Variants in ACBD6 observed in about 807,000 individuals in gnomAD.
ACBD6 encodes the protein acyl-CoA binding domain containing 6.
In ACBD6, 28 loss-of-function variants were observed where a neutral mutation model predicts 37.2. That is an observed-to-expected ratio of 0.75 (90% confidence interval 0.56 to 1.03). The LOEUF (loss-of-function observed/expected upper bound fraction) is 1.03. Among genes scored for constraint, ACBD6 ranks in the 50% least tolerant of loss-of-function variants. The probability of loss-of-function intolerance (pLI) is 0.00; values close to 1 mark genes in which losing one functional copy is unlikely to be tolerated. For synonymous variants in ACBD6, 113 were observed against 126.8 expected (o/e 0.89, Z 0.73); for missense variants, 340 against 337.4 (o/e 1.01, Z -0.06).
intron 9 of ACBD6, among the ~76,000 whole-genome samples, chr1:180,279,855 C>A (rs890525235): frequency 2.0e-5 from 3 of 151,540 alleles, no homozygotes; most frequent in Non-Finnish European, 4.4e-5. Flanking sequence ...AAAAAAAAGT[C>A]ATAGCATTTC....
intron 3 of ACBD6, among the ~76,000 whole-genome samples, chr1:180,455,940 T>C (rs762439275): frequency 5.9e-5 from 9 of 152,138 alleles, no homozygotes; most frequent in Non-Finnish European, 1.0e-4. Context: ...GTCAGACTTA[T>C]TCGAGTCAGT....
At chr1:180,273,700 G>A (rs1648831129) in intron 11 of ACBD6, 1 of 168,350 alleles carries the variant, frequency 5.9e-6, no homozygotes, top group East Asian at 1.7e-4. Context: ...AGACCAGAAG[G>A]ATTTTGTACA....
At chr1:180,459,927 C>T (rs949758613) in intron 3 of ACBD6, among the ~76,000 whole-genome samples, 1 of 149,112 alleles carries the variant, frequency 6.7e-6, no homozygotes, top group Non-Finnish European at 1.5e-5. Context: ...AGTATCCCGG[C>T]ACAGCACAGC....
In ACBD6 at chr1:180,502,461, T is replaced by A; in HGVS notation, c.-195A>T. 1.6e-6 allele frequency: 1 copy of A among 641,082 alleles called. No homozygotes were observed. The highest frequency in any genetic ancestry group is 2.8e-6 in the Non-Finnish European group (1 of 360,590). 39.7% of individuals were successfully genotyped at this position (641,082 alleles called of 1,614,324 possible). A position where few individuals can be genotyped will look rare whatever the true frequency, so the allele number is the denominator to read the frequency against. Reference sequence around the variant, plus strand: ...TACTCCCTGGGCGTGCAGAGCAGGCTCCTCGACCCTCTGCCGCTCTGCCCA... The same window carrying A: ...TACTCCCTGGGCGTGCAGAGCAGGCACCTCGACCCTCTGCCGCTCTGCCCA... On this transcript the variant is annotated 5_prime_UTR_variant, in exon 1 of 8. Coordinates refer to ENST00000367595, the MANE Select transcript of ACBD6 (RefSeq NM_032360.4).
At chr1:180,335,253 G>A (rs886978557) in intron 6 of ACBD6, among the ~76,000 whole-genome samples, 2 of 152,144 alleles carry the variant, frequency 1.3e-5, no homozygotes, top group Admixed American at 6.5e-5. Flanking sequence ...GTTAAGGGCG[G>A]CCAGAGAGAA....
At chr1:180,343,270 A>G (rs1194716713) in intron 6 of ACBD6, among the ~76,000 whole-genome samples, 1 of 141,186 alleles carries the variant, frequency 7.1e-6, no homozygotes, top group Admixed American at 7.2e-5. Flanking sequence ...TTATAAAAAA[A>G]GAGTTTATTC....
chr1:180,286,956 T>C (rs559424226), downstream of ACBD6: 1 of 152,232 alleles, frequency 6.6e-6, no homozygotes, highest in Non-Finnish European at 1.5e-5. Flanking sequence ...AGAAAAATTA[T>C]CTTTTAAGTG....
exon 10 of ACBD6, chr1:180,275,279 T>G (rs1648959372): frequency 6.6e-6 from 1 of 152,266 alleles, no homozygotes; most frequent in Admixed American, 6.5e-5. Flanking sequence ...TGCAGGTGAC[T>G]GAGGCTGAGC....
chr1:180,418,660 C>T (rs1044409244), intron 4 of ACBD6, among the ~76,000 whole-genome samples: 1 of 152,062 alleles, frequency 6.6e-6, no homozygotes, highest in African/African-American at 2.4e-5. Context: ...GTCATGGCTG[C>T]CATACTTAGC....
At position 180,387,406 on chromosome 1, in the gene ACBD6, T is replaced by G. The variant is rs75249681; in HGVS notation, c.663+10110A>C. Among the ~76,000 whole-genome samples the G allele has an allele frequency of 7.5e-3, 1,143 of 152,276 alleles. 19 individuals carry two copies. The highest frequency in any genetic ancestry group is 0.027 in the African/African-American group (1,113 of 41,538). On this transcript the variant is annotated intron_variant, in intron 6 of 7. Transcript: ENST00000367595. ...ATTCCAGGGTGGGAGGTGATGGATATCCAAGCTTACCACTTGGTCTCCACT... is the reference window on the plus strand; with the variant it reads ...ATTCCAGGGTGGGAGGTGATGGATAGCCAAGCTTACCACTTGGTCTCCACT...
At chr1:180,312,395 T>C (rs1442013065) in intron 7 of ACBD6, among the ~76,000 whole-genome samples, 1 of 152,158 alleles carries the variant, frequency 6.6e-6, no homozygotes, top group African/African-American at 2.4e-5. Flanking sequence ...AGAATAAACT[T>C]AAAAAAACTA....
chr1:180,399,585 G>T (rs1647261354), intron 5 of ACBD6, among the ~76,000 whole-genome samples: 1 of 152,040 alleles, frequency 6.6e-6, no homozygotes, highest in Non-Finnish European at 1.5e-5. Context: ...ATTTTTCAGT[G>T]GAGACAATTC....
intron 5 of ACBD6, among the ~76,000 whole-genome samples, chr1:180,399,975 C>T (rs527902998): frequency 6.6e-6 from 1 of 152,240 alleles, no homozygotes; most frequent in South Asian, 2.1e-4. Context: ...TTAAGTAGGA[C>T]AACATAATAT....
At chr1:180,423,249 A>T (rs1486819578) in intron 4 of ACBD6, among the ~76,000 whole-genome samples, 1 of 152,226 alleles carries the variant, frequency 6.6e-6, no homozygotes, top group Non-Finnish European at 1.5e-5. Flanking sequence ...TCAACGTATA[A>T]GTGGACCTAT....
At chr1:180,397,638 C>T (rs764187302) in intron 5 of ACBD6, 33 bp from the exon 6 acceptor site, 1 of 1,533,584 alleles carries the variant, frequency 6.5e-7, no homozygotes, top group Non-Finnish European at 9.0e-7. Context: ...AATTTGTTAT[C>T]TCAGTTGTGG....
At chr1:180,453,683 A>T (rs1000467567) in intron 3 of ACBD6, among the ~76,000 whole-genome samples, 17 of 152,386 alleles carry the variant, frequency 1.1e-4, no homozygotes, top group African/African-American at 3.8e-4. Flanking sequence ...AAAGCTGATA[A>T]GCAACTTCAG....
intron 6 of ACBD6, among the ~76,000 whole-genome samples, chr1:180,377,950 A>AATG (rs1653498034): frequency 4.5e-4 from 1 of 2,242 alleles, no homozygotes; most frequent in South Asian, 0.016. Context: ...TCTGTCTCAA[A>AATG]ATAATAATAA....
In ACBD6 at chr1:180,314,612, T is replaced by C. The variant is rs1378252222; in HGVS notation, c.694+80A>G. 21 of 1,185,076 alleles carry C rather than the reference T, an allele frequency of 1.8e-5. No homozygotes were observed. In the South Asian group the frequency reaches 2.5e-4, roughly 14 times the overall value. 73.4% of individuals were successfully genotyped at this position (1,185,076 alleles called of 1,614,324 possible). A position where few individuals can be genotyped will look rare whatever the true frequency, so the allele number is the denominator to read the frequency against. ...CTGCCAGGTACCTATCTAAGCACTA[T>C]ATAGGAATGGACAAAGTTGAAATAA... On this transcript the variant is annotated intron_variant, in intron 7 of 7. Transcript: ENST00000367595.
intron 6 of ACBD6, among the ~76,000 whole-genome samples, chr1:180,358,702 C>A (rs1211052031): frequency 6.6e-6 from 1 of 152,090 alleles, no homozygotes; most frequent in African/African-American, 2.4e-5. Flanking sequence ...AACTAGCAGA[C>A]TGCAGGTTTT....
Sources: allele counts gnomAD v4.1 joint callset (sites outside exome capture counted in the v4.1 genomes callset), GRCh38; gene constraint gnomAD v4.1.1; transcripts MANE v1.5; gene names NCBI Gene and HGNC (gene_info 2026-07-23, HGNC 2026-07-21).